DLGAP1: variants seen among roughly 807,000 people sequenced by gnomAD.
DLGAP1 encodes disks large-associated protein 1.
Under a neutral mutation model 90.8 loss-of-function variants are expected in DLGAP1, and 11 were observed. The ratio of observed to expected loss-of-function variants is 0.12; its 90% CI spans 0.08 to 0.20. DLGAP1 has a LOEUF of 0.20. DLGAP1 is among the 10% of genes least tolerant of loss of function. DLGAP1 has a pLI of 1.00. For missense variants in DLGAP1, 1,050 were observed against 1,333.8 expected, an observed-to-expected ratio of 0.79 and a Z score of 3.31; for synonymous variants, 558 against 540.7, an observed-to-expected ratio of 1.03 and a Z score of -0.44.
intron 7 of DLGAP1, among the ~76,000 whole-genome samples, chr18:3,602,593 CAAAAAAAAAAAAAA>C (rs71159102): frequency 1.8e-4 from 12 of 66,680 alleles, no homozygotes; most frequent in South Asian, 5.9e-4. Flanking sequence ...AGACTCCGTC[CAAAAAAAAAAAAAA>C]AAAAAAAAAC....
intron 1 of DLGAP1, among the ~76,000 whole-genome samples, chr18:4,394,055 C>G (rs537799294): frequency 5.5e-4 from 84 of 152,206 alleles, no homozygotes; most frequent in Non-Finnish European, 1.1e-3. Context: ...TGCTCTAGAA[C>G]AACTAATACG....
chr18:4,291,964 A>C (rs183823416), intron 1 of DLGAP1, among the ~76,000 whole-genome samples: 2 of 152,162 alleles, frequency 1.3e-5, no homozygotes, highest in African/African-American at 4.8e-5. Flanking sequence ...TCTACATTAG[A>C]ATTCTCTGGG....
rs1598465803 is a variant in DLGAP1, at chr18:4,137,769, T to G, written c.-159+13411A>C. On this transcript the variant is annotated intron_variant, in intron 2 of 12. Transcript: ENST00000315677. ...TCTTCCATCCTATGAACATGGAATA[T>G]TCTTGCATTGTTTTGTATTCTCCTA... is the stretch of plus-strand genomic sequence containing the variant. Among the ~76,000 whole-genome samples, 11 of 152,176 alleles carry G rather than the reference T, an allele frequency of 7.2e-5. No individual in the cohort carries two copies. The South Asian group carries it at 2.3e-3, about 31-fold the overall frequency.
chr18:4,179,177 T>G (rs2077165973), intron 1 of DLGAP1, among the ~76,000 whole-genome samples: 1 of 152,206 alleles, frequency 6.6e-6, no homozygotes. Flanking sequence ...TGGATAAGTC[T>G]GTACCTCTTT....
intron 10 of DLGAP1, among the ~76,000 whole-genome samples, chr18:3,520,495 C>T (rs1432422806): frequency 6.6e-6 from 1 of 152,178 alleles, no homozygotes; most frequent in Non-Finnish European, 1.5e-5. Context: ...AGATAACGTT[C>T]TTAAAGAGGT....
chr18:3,973,961 C>T (rs1320379655), intron 3 of DLGAP1, among the ~76,000 whole-genome samples: 5 of 152,200 alleles, frequency 3.3e-5, no homozygotes, highest in East Asian at 3.9e-4. Context: ...CGCTCCTAGG[C>T]TACAGATCTG....
rs139409589 is a variant in DLGAP1 at position 4,344,278 on chromosome 18, T to C, written c.-267+110728A>G. Among the ~76,000 whole-genome samples the C allele has an allele frequency of 6.7e-3, 1,014 of 152,308 alleles. 9 individuals are homozygous for C. Among genetic ancestry groups the C allele is most frequent in the Admixed American group, 0.013 (198 of 15,302 alleles). ...ACAATGATTCTGACAGATACTCTAT[T>C]GTTCCCATTTTAAAGATGAGGAGAT... is the stretch of plus-strand genomic sequence containing the variant. On this transcript the variant is annotated intron_variant, in intron 1 of 12. Coordinates refer to ENST00000315677, the MANE Select transcript of DLGAP1 (RefSeq NM_004746.4).
Position 3,806,262 on chromosome 18 carries a change from T to C in DLGAP1, c.1172+7797A>G, listed in dbSNP as rs2066553759. Among the ~76,000 whole-genome samples, 3 of 152,218 alleles carry C rather than the reference T, an allele frequency of 2.0e-5. No homozygotes were observed. The South Asian group carries it at 6.2e-4, about 31-fold the overall frequency. On this transcript the variant is annotated intron_variant, in intron 5 of 12. Coordinates refer to ENST00000315677, the MANE Select transcript of DLGAP1 (RefSeq NM_004746.4). ...GAAACAAAAAACCACAATCCTTTCT[T>C]ATGCCAGGCAATGCAGATTTTTCTC...
intron 7 of DLGAP1, among the ~76,000 whole-genome samples, chr18:3,714,142 G>A (rs1001949007): frequency 6.6e-6 from 1 of 152,116 alleles, no homozygotes; most frequent in African/African-American, 2.4e-5. Context: ...ATTTTGATTC[G>A]AAATTAATTC....
intron 7 of DLGAP1, among the ~76,000 whole-genome samples, chr18:3,647,614 T>C (rs751676777): frequency 6.6e-6 from 1 of 151,936 alleles, no homozygotes; most frequent in Non-Finnish European, 1.5e-5. Context: ...TACAGGTGTG[T>C]GCCACCACGC....
Position 4,118,412 on chromosome 18 carries a change from T to C in DLGAP1, c.-159+32768A>G, listed in dbSNP as rs139588112. Reference sequence around the variant, plus strand: ...TACCTTCCTGGCTTGCCTTTCCTTGTATGGAGCCTCAGCCTTAGAAGTGAG... The same window carrying C: ...TACCTTCCTGGCTTGCCTTTCCTTGCATGGAGCCTCAGCCTTAGAAGTGAG... On this transcript the variant is annotated intron_variant, in intron 2 of 12. Coordinates refer to ENST00000315677, the MANE Select transcript of DLGAP1 (RefSeq NM_004746.4). Among the ~76,000 whole-genome samples the C allele has an allele frequency of 1.9e-3, 282 of 152,238 alleles. 1 individual carries two copies. The highest frequency in any genetic ancestry group is 6.6e-3 in the African/African-American group (275 of 41,560).
chr18:3,867,645 C>T (rs899059604), intron 4 of DLGAP1, among the ~76,000 whole-genome samples: 3 of 151,708 alleles, frequency 2.0e-5, no homozygotes, highest in African/African-American at 2.4e-5. Flanking sequence ...GGTGGGGCCT[C>T]GTAGGCAAAA....
Position 3,771,838 on chromosome 18 carries a change from G to GA in DLGAP1, c.1173-29327dup, listed in dbSNP as rs36074021. On this transcript the variant is annotated intron_variant, in intron 5 of 12. Coordinates refer to ENST00000315677, the MANE Select transcript of DLGAP1 (RefSeq NM_004746.4). Reference sequence around the variant, plus strand: ...TCTACTAACTGCCTGCCCTAGCTCTGAAAAAAAAAAAAAAATCCATGTGGC... The same window carrying GA: ...TCTACTAACTGCCTGCCCTAGCTCTGAAAAAAAAAAAAAAAATCCATGTGGC... Among the ~76,000 whole-genome samples the GA allele has an allele frequency of 7.0e-3, 970 of 138,090 alleles. 5 individuals carry two copies. Among genetic ancestry groups the GA allele is most frequent in the African/African-American group, 0.015 (570 of 38,112 alleles). 90.6% of individuals were successfully genotyped at this position (138,090 alleles called of 152,430 possible).
Position 3,879,891 on chromosome 18 carries a change from G to A in DLGAP1, c.178C>T (p.Pro60Ser), listed in dbSNP as rs138713280. The stretch of plus-strand genomic sequence containing the variant: ...CTGCTGGCCAGCGGGTCGCTGAAGG[G>A]GCCCACGCACTCAGCCTGGAAGGAG... Reference protein sequence around the residue: ...RNSFQAECVGPFSDPLASSTF... With the variant: ...RNSFQAECVGSFSDPLASSTF... Residue 60 changes from proline to serine, a missense_variant, in exon 4 of 13, where the codon CCC becomes TCC. Around this residue, in one of 2 missense-constraint regions of DLGAP1, gnomAD observed 485 missense variants for 454.1 expected, o/e 1.07. Transcript: ENST00000315677. The surrounding 1 kb of genome is among the most constrained non-coding windows in gnomAD (Gnocchi z 6.6). 8.1e-6 allele frequency: 13 copies of A among 1,611,796 alleles called. No individual in the cohort carries two copies. The highest frequency in any genetic ancestry group is 3.3e-5 in the Admixed American group (2 of 59,986).
intron 1 of DLGAP1, among the ~76,000 whole-genome samples, chr18:4,240,315 T>C (rs772741656): frequency 1.3e-5 from 2 of 152,152 alleles, no homozygotes; most frequent in Non-Finnish European, 2.9e-5. Context: ...CTAGTAGGTA[T>C]AATTTATCAG....
At chr18:3,516,935 A>G (rs564027666) in intron 10 of DLGAP1, among the ~76,000 whole-genome samples, 3 of 152,342 alleles carry the variant, frequency 2.0e-5, no homozygotes, top group South Asian at 4.1e-4. Context: ...CATGAAAACA[A>G]CTTTCATCTC....
At chr18:4,425,054 C>T (rs1022569553) in intron 1 of DLGAP1, among the ~76,000 whole-genome samples, 2 of 118,858 alleles carry the variant, frequency 1.7e-5, no homozygotes, top group African/African-American at 6.9e-5. Context: ...CCACGCATTC[C>T]TTGGTGGGGC....
In DLGAP1 at chr18:4,396,799, G is replaced by A. The variant is rs550980826; in HGVS notation, c.-267+58207C>T. Among the ~76,000 whole-genome samples the A allele has an allele frequency of 2.0e-5, 3 of 152,336 alleles. No individual in the cohort carries two copies. In the East Asian group the frequency reaches 5.8e-4, roughly 29 times the overall value. On this transcript the variant is annotated intron_variant, in intron 1 of 12. Coordinates refer to ENST00000315677, the MANE Select transcript of DLGAP1 (RefSeq NM_004746.4). Reference sequence around the variant, plus strand: ...GAGAGGGTGAGCATGCTGGAGGGTAGTGTCTGTGGTTCACTGAATGAAGAG... The same window carrying A: ...GAGAGGGTGAGCATGCTGGAGGGTAATGTCTGTGGTTCACTGAATGAAGAG...
chr18:4,290,685 C>T (rs2079824345), intron 1 of DLGAP1, among the ~76,000 whole-genome samples: 1 of 151,956 alleles, frequency 6.6e-6, no homozygotes. Context: ...CAAGAAAAGG[C>T]CATATGCTTG....
Sources: allele counts gnomAD v4.1 joint callset (sites outside exome capture counted in the v4.1 genomes callset), GRCh38; gene constraint gnomAD v4.1.1; regional missense constraint gnomAD v4.1.1; non-coding constraint Gnocchi (gnomAD v3.1); transcripts MANE v1.5; gene names NCBI Gene and HGNC (gene_info 2026-07-23, HGNC 2026-07-21).